IL1RAPL1: variants seen among roughly 807,000 people sequenced by gnomAD.
IL1RAPL1 encodes the protein interleukin 1 receptor accessory protein like 1.
Under a neutral mutation model 48.4 loss-of-function variants are expected in IL1RAPL1, and 3 were observed. That is an observed-to-expected ratio of 0.06 (90% CI 0.03 to 0.16). The LOEUF is 0.16. Among genes scored for constraint, IL1RAPL1 ranks in the 10% least tolerant of loss-of-function variants. IL1RAPL1 has a pLI of 1.00. For missense variants in IL1RAPL1, 349 were observed against 530.6 expected, an observed-to-expected ratio of 0.66 and a Z score of 3.36; for synonymous variants, 185 against 187.7, an observed-to-expected ratio of 0.99 and a Z score of 0.12.
At chrX:29,578,610 T>G (rs2147802313) in intron 5 of IL1RAPL1, among the ~76,000 whole-genome samples, 1 of 111,690 alleles carries the variant, frequency 9.0e-6, no homozygotes, top group East Asian at 2.8e-4. Flanking sequence ...CTGAGAATGA[T>G]CTTAAATTTT....
At chrX:29,246,452 C>T (rs1020151392) in intron 2 of IL1RAPL1, among the ~76,000 whole-genome samples, 10 of 110,467 alleles carry the variant, frequency 9.1e-5, no homozygotes, top group Non-Finnish European at 1.1e-4. Flanking sequence ...CACCATGCTG[C>T]CTGGACAGCT....
chrX:29,342,796 T>C (rs1457343188), intron 3 of IL1RAPL1, among the ~76,000 whole-genome samples: 2 of 112,623 alleles, frequency 1.8e-5, no homozygotes, highest in Non-Finnish European at 3.7e-5. Flanking sequence ...AAAATTACGA[T>C]GTTGATAATG....
intron 2 of IL1RAPL1, among the ~76,000 whole-genome samples, chrX:28,998,616 T>G (rs1925776906): frequency 1.8e-5 from 2 of 112,288 alleles, no homozygotes; most frequent in African/African-American, 3.2e-5. Context: ...ACTCAATGCT[T>G]TTGCAAAGAC....
intron 2 of IL1RAPL1, among the ~76,000 whole-genome samples, chrX:28,919,967 G>A (rs1601958837): frequency 8.9e-6 from 1 of 111,751 alleles, no homozygotes; most frequent in African/African-American, 3.3e-5. Flanking sequence ...TTGTACTACG[G>A]ACTGGCAGGC....
At position 28,620,821 on chromosome X, in the gene IL1RAPL1, C is replaced by G. The variant is rs1340726483; in HGVS notation, c.-25+32774C>G. ...CATGATATAGTTGAAAAGGCATCAA[C>G]TTCATTTACCTTTTGCTCTTACATT... On this transcript the variant is annotated intron_variant, in intron 1 of 10. Transcript: ENST00000378993. Among the ~76,000 whole-genome samples the G allele has an allele frequency of 2.0e-4, 22 of 111,968 alleles. No homozygotes were observed. The Admixed American group carries it at 2.1e-3, about 11-fold the overall frequency.
At chrX:28,619,444 A>G (rs936806692) in intron 1 of IL1RAPL1, among the ~76,000 whole-genome samples, 3 of 108,454 alleles carry the variant, frequency 2.8e-5, no homozygotes, top group Admixed American at 1.0e-4. Flanking sequence ...AAACAAACAA[A>G]CAAACAAACA....
At chrX:29,794,904 G>A (rs1262799288) in intron 6 of IL1RAPL1, among the ~76,000 whole-genome samples, 3 of 112,001 alleles carry the variant, frequency 2.7e-5, no homozygotes. Context: ...CATGCCTTTT[G>A]TGAATTAATG....
intron 1 of IL1RAPL1, among the ~76,000 whole-genome samples, chrX:28,624,952 G>A (rs191510843): frequency 9.0e-6 from 1 of 111,710 alleles, no homozygotes; most frequent in Admixed American, 9.5e-5. Flanking sequence ...CTTCTCCATG[G>A]AGCTTTGCAT....
chrX:29,746,334 A>C (rs1445647987), intron 6 of IL1RAPL1, among the ~76,000 whole-genome samples: 1 of 112,109 alleles, frequency 8.9e-6, no homozygotes, highest in African/African-American at 3.2e-5. Context: ...AAATAATTTT[A>C]TTGTAAGGAA....
chrX:29,568,480 G>A (rs1165536279), intron 5 of IL1RAPL1, among the ~76,000 whole-genome samples: 2 of 110,341 alleles, frequency 1.8e-5, no homozygotes, highest in Non-Finnish European at 3.8e-5. Context: ...GGAGCTTTTT[G>A]AGAAAAAAGT....
At chrX:28,906,305 A>C (rs752905090) in intron 2 of IL1RAPL1, among the ~76,000 whole-genome samples, 11 of 112,433 alleles carry the variant, frequency 9.8e-5, no homozygotes, top group Non-Finnish European at 1.5e-4. Context: ...CCATATCAGC[A>C]AGGGAAGAAA....
At chrX:29,133,983 A>C (rs1416934160) in intron 2 of IL1RAPL1, among the ~76,000 whole-genome samples, 2 of 111,598 alleles carry the variant, frequency 1.8e-5, no homozygotes, top group Non-Finnish European at 3.8e-5. Context: ...AGTGATATGC[A>C]TTTCAATTTC....
At chrX:29,516,769 G>GA (rs1200675517) in intron 5 of IL1RAPL1, among the ~76,000 whole-genome samples, 2 of 109,915 alleles carry the variant, frequency 1.8e-5, no homozygotes, top group East Asian at 5.7e-4. Flanking sequence ...TGTAGATGTG[G>GA]AAAAATGTCT....
At chrX:29,512,007 C>G (rs1306800937) in intron 5 of IL1RAPL1, among the ~76,000 whole-genome samples, 2 of 111,189 alleles carry the variant, frequency 1.8e-5, no homozygotes, top group African/African-American at 6.5e-5. Flanking sequence ...TGGATTGATA[C>G]TAGAAATGTA....
intron 6 of IL1RAPL1, among the ~76,000 whole-genome samples, chrX:29,774,262 G>A (rs1015368523): frequency 7.3e-5 from 8 of 110,136 alleles, no homozygotes; most frequent in South Asian, 3.9e-4. Context: ...GTACTTACAC[G>A]GCTATGGGGG....
At chrX:29,480,291 CATATATATAT>C (rs61703733) in intron 5 of IL1RAPL1, among the ~76,000 whole-genome samples, 4 of 76,603 alleles carry the variant, frequency 5.2e-5, no homozygotes, top group African/African-American at 2.4e-4. Flanking sequence ...CACACATATA[CATATATATAT>C]ATATATATAT....
intron 1 of IL1RAPL1, among the ~76,000 whole-genome samples, chrX:28,721,420 C>G (rs1203016584): frequency 9.9e-5 from 11 of 111,643 alleles, no homozygotes; most frequent in South Asian, 3.7e-4. Flanking sequence ...TCATATCCTT[C>G]GCCCACTTTT....
chrX:28,989,849 A>G (rs897203313), intron 2 of IL1RAPL1, among the ~76,000 whole-genome samples: 4 of 111,894 alleles, frequency 3.6e-5, no homozygotes, highest in African/African-American at 1.3e-4. Flanking sequence ...AAAAAGTGTC[A>G]TGAATATATT....
chrX:28,873,523 C>CTTTTTTTTTTTTTTT (rs10554661), intron 2 of IL1RAPL1, among the ~76,000 whole-genome samples: 21 of 56,661 alleles, frequency 3.7e-4, no homozygotes, highest in African/African-American at 1.6e-3. Flanking sequence ...TTCTTTCTTT[C>CTTTTTTTTTTTTTTT]TTTTTTTTTT....
Sources: allele counts gnomAD v4.1 joint callset (sites outside exome capture counted in the v4.1 genomes callset), GRCh38; gene constraint gnomAD v4.1.1; transcripts MANE v1.5; gene names NCBI Gene and HGNC (gene_info 2026-07-23, HGNC 2026-07-21).